The following SLC36A1 variants were observed in gnomAD, a reference collection of about 807,000 sequenced individuals.
SLC36A1 encodes proton-coupled amino acid transporter 1.
A neutral mutation model predicts 47.5 loss-of-function variants in SLC36A1; 30 were observed. The ratio of observed to expected loss-of-function variants is 0.63; its 90% CI spans 0.47 to 0.86. The LOEUF is 0.86. Ranked by LOEUF, SLC36A1 falls within the 40% of genes least tolerant of loss-of-function variation. SLC36A1 has a pLI of 0.00. For missense variants in SLC36A1, 517 were observed against 606.0 expected (o/e 0.85, Z 1.54); for synonymous variants, 255 against 249.7 (o/e 1.02, Z -0.20).
At chr5:151,517,423 G>A in the SLC36A1 span, among the ~76,000 whole-genome samples, 5 of 152,196 alleles carry the variant, frequency 3.3e-5, no homozygotes, top group African/African-American at 7.2e-5. Flanking sequence ...GTCCTTGGAC[G>A]TATATCTCCA....
chr5:151,543,989 TG>T, the SLC36A1 span: 1 of 1,614,210 alleles, frequency 6.2e-7, no homozygotes, highest in Non-Finnish European at 8.5e-7. Context: ...TGAGGTTGTC[TG>T]AACTCTGGGG....
At chr5:151,346,272 TC>T in the SLC36A1 span, among the ~76,000 whole-genome samples, 1 of 152,136 alleles carries the variant, frequency 6.6e-6, no homozygotes, top group African/African-American at 2.4e-5. Flanking sequence ...CTTAGCAACT[TC>T]CAGGACTAGC....
intron 7 of SLC36A1, among the ~76,000 whole-genome samples, chr5:151,472,600 CAT>C (rs1757474707): frequency 6.6e-6 from 1 of 152,208 alleles, no homozygotes; most frequent in South Asian, 2.1e-4. Flanking sequence ...CTCCTCCCCA[CAT>C]GTTCCAGCAC....
the SLC36A1 span, among the ~76,000 whole-genome samples, chr5:151,413,818 G>T: frequency 3.3e-5 from 5 of 151,602 alleles, no homozygotes; most frequent in South Asian, 1.0e-3. Flanking sequence ...GATTCATTTC[G>T]GAAAGGTATA....
the SLC36A1 span, among the ~76,000 whole-genome samples, chr5:151,363,260 A>G: frequency 2.6e-5 from 4 of 152,118 alleles, no homozygotes; most frequent in Non-Finnish European, 5.9e-5. Context: ...TGCCCAGGGG[A>G]ATTGTGGAAT....
the SLC36A1 span, among the ~76,000 whole-genome samples, chr5:151,415,512 A>G: frequency 6.5e-3 from 978 of 151,492 alleles, 10 homozygotes; most frequent in African/African-American, 0.022. Flanking sequence ...TTACCCTTCA[A>G]CTCGTAGCTT....
the SLC36A1 span, among the ~76,000 whole-genome samples, chr5:151,524,944 T>C: frequency 1.3e-5 from 2 of 152,220 alleles, no homozygotes; most frequent in South Asian, 4.1e-4. Context: ...TTCCTTATCA[T>C]CATTTGTAAA....
chr5:151,345,874 C>T, the SLC36A1 span, among the ~76,000 whole-genome samples: 1 of 152,216 alleles, frequency 6.6e-6, no homozygotes, highest in Non-Finnish European at 1.5e-5. Flanking sequence ...CCAACACTTA[C>T]AGACACTGTG....
intron 3 of SLC36A1, among the ~76,000 whole-genome samples, chr5:151,464,062 G>T (rs1414960580): frequency 6.6e-6 from 1 of 152,202 alleles, no homozygotes; most frequent in East Asian, 1.9e-4. Context: ...ACCTCCAGTT[G>T]ACTGCCTGCC....
the SLC36A1 span, chr5:151,382,426 G>A: frequency 1.6e-6 from 1 of 625,810 alleles, no homozygotes; most frequent in Non-Finnish European, 2.8e-6. Context: ...TGCTCAGTAG[G>A]GATAGATGTG....
the SLC36A1 span, chr5:151,510,081 G>C: frequency 1.2e-6 from 2 of 1,614,194 alleles, no homozygotes; most frequent in Non-Finnish European, 1.7e-6. Flanking sequence ...GAGGATGCAA[G>C]TTCCACCTTC....
At chr5:151,355,627 GA>G in the SLC36A1 span, among the ~76,000 whole-genome samples, 1 of 152,200 alleles carries the variant, frequency 6.6e-6, no homozygotes, top group South Asian at 2.1e-4. Context: ...CTATTGAGTG[GA>G]ATATTGCCAT....
chr5:151,390,131 G>C, the SLC36A1 span, among the ~76,000 whole-genome samples: 2 of 152,154 alleles, frequency 1.3e-5, no homozygotes, highest in Non-Finnish European at 2.9e-5. Context: ...ATCTCATTGT[G>C]GTTTTGATTT....
At chr5:151,516,858 C>A in the SLC36A1 span, among the ~76,000 whole-genome samples, 1 of 152,146 alleles carries the variant, frequency 6.6e-6, no homozygotes. Context: ...GTAATCCTAG[C>A]ACTTTGGGAT....
chr5:151,455,361 A>G (rs538692086), intron 1 of SLC36A1, among the ~76,000 whole-genome samples: 2 of 152,216 alleles, frequency 1.3e-5, no homozygotes, highest in African/African-American at 2.4e-5. Context: ...TCTGTTTTCA[A>G]TATGCATGCA....
chr5:151,503,017 A>T, the SLC36A1 span, among the ~76,000 whole-genome samples: 1 of 148,380 alleles, frequency 6.7e-6, no homozygotes, highest in Non-Finnish European at 1.5e-5. Context: ...TTCCAACTAT[A>T]TGACATGCTG....
At chr5:151,457,575 A>G (rs1417053045) in intron 1 of SLC36A1, among the ~76,000 whole-genome samples, 3 of 152,106 alleles carry the variant, frequency 2.0e-5, no homozygotes, top group Non-Finnish European at 4.4e-5. Context: ...TGGATGGGAG[A>G]TGTTGAGACG....
the SLC36A1 span, among the ~76,000 whole-genome samples, chr5:151,349,717 A>G: frequency 0.16 from 24,195 of 152,180 alleles, 2,214 homozygotes; most frequent in East Asian, 0.38. Flanking sequence ...GTAAATAATG[A>G]TAATAATCTC....
chr5:151,349,542 A>G, the SLC36A1 span, among the ~76,000 whole-genome samples: 1 of 152,090 alleles, frequency 6.6e-6, no homozygotes, highest in Non-Finnish European at 1.5e-5. Context: ...TGCAAGATGG[A>G]TACTAGATTG....
Sources: allele counts gnomAD v4.1 joint callset (sites outside exome capture counted in the v4.1 genomes callset), GRCh38; gene constraint gnomAD v4.1.1; transcripts MANE v1.5; gene names NCBI Gene and HGNC (gene_info 2026-07-23, HGNC 2026-07-21).